EYA1: variants seen among roughly 807,000 people sequenced by gnomAD.
EYA1 encodes the protein EYA transcriptional coactivator and phosphatase 1, also known as protein phosphatase EYA1.
A neutral mutation model predicts 82.0 loss-of-function variants in EYA1; 16 were observed. That is an observed-to-expected ratio of 0.20 (90% CI 0.13 to 0.30). EYA1 has a LOEUF of 0.30. Ranked by LOEUF, EYA1 falls within the 10% of genes least tolerant of loss-of-function variation. The probability of loss-of-function intolerance (pLI) is 1.00; values close to 1 mark genes in which losing one functional copy is unlikely to be tolerated. For synonymous variants in EYA1, 261 were observed against 264.4 expected (o/e 0.99, Z 0.12); for missense variants, 633 against 730.7 (o/e 0.87, Z 1.54).
In EYA1 at chr8:71,216,713, T is replaced by C. The variant is rs775097398; in HGVS notation, c.1339A>G (p.Thr447Ala). 1.2e-6 allele frequency: 2 copies of C among 1,614,146 alleles called. No individual in the cohort carries two copies. The highest frequency in any genetic ancestry group is 1.7e-6 in the Non-Finnish European group (2 of 1,180,002). Reference protein sequence around the residue: ...RYRRVKEIYNTYKNNVGGLLG... With the variant: ...RYRRVKEIYNAYKNNVGGLLG... ...TTGCCTCCAACATTATTTTTGTAGG[T>C]GTTGTAGATCTCTTTTACCCGTCTG... The change falls in exon 14 of 18, where the codon ACC becomes GCC. Residue 447 changes from threonine (T) to alanine (A), a missense_variant. Transcript: ENST00000340726.
intron 3 of EYA1, among the ~76,000 whole-genome samples, chr8:71,346,430 G>GAATATATAT (rs1554561471): frequency 9.9e-4 from 67 of 67,412 alleles, no homozygotes; most frequent in African/African-American, 3.7e-3. Flanking sequence ...TTACTGCAGT[G>GAATATATAT]AATATATATA....
chr8:71,473,271 C>A (rs1046369365), intron 2 of EYA1, among the ~76,000 whole-genome samples: 2 of 149,980 alleles, frequency 1.3e-5, no homozygotes, highest in African/African-American at 2.5e-5. Flanking sequence ...AGGCAACCTA[C>A]AGAATGGGAG....
intron 2 of EYA1, among the ~76,000 whole-genome samples, chr8:71,451,551 GT>G (rs1807375573): frequency 6.6e-6 from 1 of 151,950 alleles, no homozygotes; most frequent in Admixed American, 6.6e-5. Flanking sequence ...AATTATTTTT[GT>G]TTTTTCAAAT....
rs376961857 is a variant in EYA1 at position 71,519,499 on chromosome 8, T to G, written c.33+16245A>C. Among the ~76,000 whole-genome samples the G allele has an allele frequency of 1.9e-4, 29 of 152,212 alleles. No homozygotes were observed. In the East Asian group the frequency reaches 1.9e-3, roughly 10 times the overall value. The stretch of plus-strand genomic sequence containing the variant: ...TGACTAAAACCTAACCCCTCTAAGT[T>G]TTTTTAAGGGTATAATTGTGATTTT... On this transcript the variant is annotated intron_variant, in intron 2 of 18. Coordinates refer to the EYA1 transcript ENST00000643681.
intron 3 of EYA1, among the ~76,000 whole-genome samples, chr8:71,346,880 T>G (rs1298689710): frequency 1.3e-5 from 2 of 152,226 alleles, no homozygotes; most frequent in Non-Finnish European, 2.9e-5. Flanking sequence ...TTCATGTATA[T>G]TATATACTTA....
At chr8:71,530,976 A>G (rs568607409) in intron 2 of EYA1, 75 of 152,348 alleles carry the variant, frequency 4.9e-4, no homozygotes, top group African/African-American at 1.8e-3. Context: ...TCTACCATTT[A>G]TAACAAAATG....
At chr8:71,401,160 G>A (rs1829936237) in intron 2 of EYA1, among the ~76,000 whole-genome samples, 1 of 152,142 alleles carries the variant, frequency 6.6e-6, no homozygotes, top group African/African-American at 2.4e-5. Context: ...GGAGGCATCA[G>A]GATAAATAGC....
At chr8:71,230,702 T>G (rs957115480) in intron 12 of EYA1, among the ~76,000 whole-genome samples, 11 of 152,174 alleles carry the variant, frequency 7.2e-5, no homozygotes, top group Non-Finnish European at 2.9e-5. Context: ...ATGGCGAAAC[T>G]AGGAAAGCAG....
chr8:71,278,362 G>A (rs561207634), intron 9 of EYA1, among the ~76,000 whole-genome samples: 26 of 152,190 alleles, frequency 1.7e-4, no homozygotes, highest in African/African-American at 6.0e-4. Flanking sequence ...TCCTTAATAC[G>A]CTGTTTTCTT....
At chr8:71,533,514 C>G (rs1383172976) in intron 2 of EYA1, among the ~76,000 whole-genome samples, 2 of 152,184 alleles carry the variant, frequency 1.3e-5, no homozygotes, top group Non-Finnish European at 1.5e-5. Context: ...GTCCAGGACT[C>G]TTTTCAATTC....
At chr8:71,336,065 T>C (rs1040247292) in intron 3 of EYA1, among the ~76,000 whole-genome samples, 3 of 152,216 alleles carry the variant, frequency 2.0e-5, no homozygotes, top group African/African-American at 7.2e-5. Flanking sequence ...CTAGTCAGTA[T>C]TGTCTTCTTG....
At chr8:71,399,186 CGTCT>C (rs765846201) in intron 2 of EYA1, among the ~76,000 whole-genome samples, 1 of 152,132 alleles carries the variant, frequency 6.6e-6, no homozygotes, top group Non-Finnish European at 1.5e-5. Context: ...TTCCCGGTAC[CGTCT>C]GTCACGGCTT....
chr8:71,513,692 A>C (rs1461443768), intron 2 of EYA1, among the ~76,000 whole-genome samples: 2 of 151,994 alleles, frequency 1.3e-5, no homozygotes, highest in Non-Finnish European at 2.9e-5. Context: ...CAAATAGTAG[A>C]TCTTATTCAT....
At chr8:71,260,603 G>C (rs1380011714) in intron 11 of EYA1, among the ~76,000 whole-genome samples, 1 of 152,182 alleles carries the variant, frequency 6.6e-6, no homozygotes, top group African/African-American at 2.4e-5. Flanking sequence ...TCAGAAGACA[G>C]TGCAACTATT....
chr8:71,214,980 CA>C (rs1808998613), intron 16 of EYA1, among the ~76,000 whole-genome samples: 1 of 152,108 alleles, frequency 6.6e-6, no homozygotes, highest in African/African-American at 2.4e-5. Flanking sequence ...GAATGAAAAA[CA>C]AAACAAATAT....
intron 2 of EYA1, among the ~76,000 whole-genome samples, chr8:71,500,039 C>A (rs1341728420): frequency 6.6e-6 from 1 of 152,066 alleles, no homozygotes; most frequent in Non-Finnish European, 1.5e-5. Flanking sequence ...GGGAAAGGAA[C>A]CGAAACACAC....
chr8:71,298,997 G>A lies in EYA1; in HGVS notation c.826+50C>T, dbSNP rs780120180. ...ATATATGACTGTAGAAAAATGCATT[G>A]AAACCATTGAAAATATCACCTGCAG... On this transcript the variant is annotated intron_variant, in intron 9 of 17. Coordinates refer to ENST00000340726, the MANE Select transcript of EYA1 (RefSeq NM_000503.6). 8 of 1,572,938 alleles carry A rather than the reference G, an allele frequency of 5.1e-6. No homozygotes were observed. The East Asian group carries it at 1.8e-4, about 35-fold the overall frequency.
chr8:71,313,902 T>A (rs1164484024), intron 7 of EYA1, among the ~76,000 whole-genome samples: 2 of 152,214 alleles, frequency 1.3e-5, no homozygotes, highest in South Asian at 2.1e-4. Flanking sequence ...CTAGAATATT[T>A]CCCCTGGGCT....
intron 9 of EYA1, among the ~76,000 whole-genome samples, chr8:71,286,845 C>T (rs1274063220): frequency 1.4e-5 from 2 of 141,670 alleles, no homozygotes; most frequent in East Asian, 4.1e-4. Flanking sequence ...CTCTCTCATG[C>T]AGGCTGGAGT....
Sources: allele counts gnomAD v4.1 joint callset (sites outside exome capture counted in the v4.1 genomes callset), GRCh38; gene constraint gnomAD v4.1.1; transcripts MANE v1.5; gene names NCBI Gene and HGNC (gene_info 2026-07-23, HGNC 2026-07-21).